Variants in TRHDE observed in about 807,000 individuals in gnomAD.
The protein encoded by TRHDE is thyrotropin releasing hormone degrading enzyme, also known as thyrotropin-releasing hormone-degrading ectoenzyme.
TRHDE carries 72 observed loss-of-function variants against 125.7 expected under a neutral mutation model. The observed-to-expected ratio is 0.57, with a 90% CI of 0.47 to 0.70. The LOEUF (loss-of-function observed/expected upper bound fraction) is 0.70, where lower values mean the gene tolerates loss of function less well. Among genes scored for constraint, TRHDE ranks in the 30% least tolerant of loss-of-function variants. The pLI is 0.00. For synonymous variants in TRHDE, 509 were observed against 509.1 expected (o/e 1.00, Z 0.00); for missense variants, 1,110 against 1,327.1 (o/e 0.84, Z 2.54).
At chr12:72,649,021 A>C (rs1016640974) in intron 15 of TRHDE, among the ~76,000 whole-genome samples, 1 of 151,950 alleles carries the variant, frequency 6.6e-6, no homozygotes, top group African/African-American at 2.4e-5. Flanking sequence ...TTCCAATGAC[A>C]CTTAAAAAAA....
chr12:72,230,882 A>G (rs966592399), intron 2 of TRHDE, among the ~76,000 whole-genome samples: 1 of 152,198 alleles, frequency 6.6e-6, no homozygotes, highest in African/African-American at 2.4e-5. Context: ...TAAGGCAAAC[A>G]TACTGTTACT....
intron 9 of TRHDE, among the ~76,000 whole-genome samples, chr12:72,566,938 A>T (rs1870475857): frequency 6.6e-6 from 1 of 151,958 alleles, no homozygotes; most frequent in Non-Finnish European, 1.5e-5. Flanking sequence ...AGGCTTTTTC[A>T]AGATCTAGGT....
At chr12:72,515,467 T>C (rs10879436) in intron 6 of TRHDE, among the ~76,000 whole-genome samples, 63,332 of 151,490 alleles carry the variant, frequency 0.42, 16,688 homozygotes, top group African/African-American at 0.74. Context: ...TGTCCTTTGC[T>C]CACTTTTTGA....
chr12:72,206,261 T>C, intron 2 of TRHDE, among the ~76,000 whole-genome samples: 1 of 151,996 alleles, frequency 6.6e-6, no homozygotes. Flanking sequence ...TCAAGTACTT[T>C]TTTGTATTTT....
rs948352487 is a variant in TRHDE at position 72,667,169 on chromosome 12, T to C, written c.*3974T>C. On this transcript the variant is annotated 3_prime_UTR_variant, in exon 19 of 19. Coordinates refer to ENST00000261180, the MANE Select transcript of TRHDE (RefSeq NM_013381.3). ...AATAATATATTTAATTAAAATCTACTGGCAATTAGAATTTTAAGGAATTCT... is the reference window on the plus strand; with the variant it reads ...AATAATATATTTAATTAAAATCTACCGGCAATTAGAATTTTAAGGAATTCT... 2 of 151,970 alleles carry C rather than the reference T, an allele frequency of 1.3e-5. No individual in the cohort carries two copies. Among genetic ancestry groups the C allele is most frequent in the Non-Finnish European group, 2.9e-5 (2 of 67,914 alleles). The allele number at this position is 151,970 out of a possible 1,614,324, so 9.4% of individuals were successfully genotyped here. A position where few individuals can be genotyped will look rare whatever the true frequency, so the allele number is the denominator to read the frequency against.
rs555422079 is a variant in TRHDE, at chr12:72,282,123, A to G, written c.915-4558A>G. On this transcript the variant is annotated intron_variant, in intron 1 of 18. Transcript: ENST00000261180. ...ATTTTTTATGGTAATAGACAGATTC[A>G]TTAAAAGATAAAAATGATTTTGTTT... Among the ~76,000 whole-genome samples, 3 of 152,316 alleles carry G rather than the reference A, an allele frequency of 2.0e-5. No homozygotes were observed. The South Asian group carries it at 6.2e-4, about 32-fold the overall frequency.
chr12:72,654,532 T>C (rs1457274899), intron 17 of TRHDE, among the ~76,000 whole-genome samples: 2 of 152,138 alleles, frequency 1.3e-5, no homozygotes, highest in Non-Finnish European at 2.9e-5. Context: ...TTCAGACATT[T>C]TCCCTGCCTT....
At chr12:72,271,907 T>G (rs1050974808), upstream of TRHDE, 1 of 456,566 alleles carries the variant, frequency 2.2e-6, no homozygotes, top group South Asian at 1.5e-5. Flanking sequence ...GGAGTCTCGC[T>G]GTCGGGTCTG....
At chr12:72,300,377 C>T (rs796842107) in intron 2 of TRHDE, among the ~76,000 whole-genome samples, 4 of 147,898 alleles carry the variant, frequency 2.7e-5, no homozygotes, top group African/African-American at 9.9e-5. Context: ...CACACACACA[C>T]ACACACACAC....
chr12:72,666,487 G>A lies in TRHDE; in HGVS notation c.*3292G>A, dbSNP rs952548452. Reference sequence around the variant, plus strand: ...AGAATTATTTAAGTCCAAAAGTTCAGTGCTCTAGTGAGCTATGATCACTGT... The same window carrying A: ...AGAATTATTTAAGTCCAAAAGTTCAATGCTCTAGTGAGCTATGATCACTGT... On this transcript the variant is annotated 3_prime_UTR_variant, in exon 19 of 19. Transcript: ENST00000261180. 1 of 152,050 alleles carries A rather than the reference G, an allele frequency of 6.6e-6. No homozygotes were observed. Among genetic ancestry groups the A allele is most frequent in the Non-Finnish European group, 1.5e-5 (1 of 67,992 alleles). The allele number at this position is 152,050 out of a possible 1,614,324, so 9.4% of individuals were successfully genotyped here.
At chr12:72,497,580 C>T (rs901521522) in intron 5 of TRHDE, among the ~76,000 whole-genome samples, 2 of 151,924 alleles carry the variant, frequency 1.3e-5, no homozygotes, top group Admixed American at 6.6e-5. Context: ...ACTTTTAATT[C>T]GTATTTCTTA....
intron 6 of TRHDE, among the ~76,000 whole-genome samples, chr12:72,512,444 A>AACAT (rs1565772051): frequency 2.1e-5 from 3 of 139,674 alleles, no homozygotes; most frequent in South Asian, 4.3e-4. Context: ...AATATGTTAT[A>AACAT]ATTATATAAT....
At chr12:72,123,964 A>G (rs1210012061) in intron 2 of TRHDE, among the ~76,000 whole-genome samples, 1 of 152,134 alleles carries the variant, frequency 6.6e-6, no homozygotes, top group Non-Finnish European at 1.5e-5. Context: ...AACACATTTG[A>G]GACTCATCTA....
intron 2 of TRHDE, among the ~76,000 whole-genome samples, chr12:72,181,879 C>T (rs1281475156): frequency 1.3e-5 from 2 of 152,152 alleles, no homozygotes; most frequent in Non-Finnish European, 2.9e-5. Context: ...CAATGGCCTA[C>T]ACCTCCCACT....
intron 2 of TRHDE, among the ~76,000 whole-genome samples, chr12:72,187,431 G>T (rs1701642276): frequency 6.7e-6 from 1 of 149,140 alleles, no homozygotes; most frequent in Non-Finnish European, 1.5e-5. Flanking sequence ...GTCTGACTGA[G>T]GCCCGAGGTG....
At chr12:72,327,586 G>A (rs1362585968) in intron 2 of TRHDE, among the ~76,000 whole-genome samples, 2 of 152,042 alleles carry the variant, frequency 1.3e-5, no homozygotes, top group African/African-American at 2.4e-5. Context: ...ATTAGCAACA[G>A]GGGAAACTGC....
intron 15 of TRHDE, among the ~76,000 whole-genome samples, chr12:72,635,874 G>C (rs1164627964): frequency 6.6e-6 from 1 of 152,028 alleles, no homozygotes; most frequent in Non-Finnish European, 1.5e-5. Flanking sequence ...CTCTGTTTTG[G>C]TACCAGTACC....
chr12:72,192,044 T>C (rs996597292), intron 2 of TRHDE, among the ~76,000 whole-genome samples: 1 of 152,170 alleles, frequency 6.6e-6, no homozygotes, highest in Non-Finnish European at 1.5e-5. Flanking sequence ...TCTCACTTTG[T>C]GCATCTGCTG....
At chr12:72,601,388 T>C (rs1366548787) in intron 12 of TRHDE, among the ~76,000 whole-genome samples, 1 of 152,116 alleles carries the variant, frequency 6.6e-6, no homozygotes, top group Non-Finnish European at 1.5e-5. Context: ...CGACTACTGG[T>C]GAAGATACTG....
Sources: allele counts gnomAD v4.1 joint callset (sites outside exome capture counted in the v4.1 genomes callset), GRCh38; gene constraint gnomAD v4.1.1; transcripts MANE v1.5; gene names NCBI Gene and HGNC (gene_info 2026-07-23, HGNC 2026-07-21).